DIAPH2: variants seen among roughly 807,000 people sequenced by gnomAD.
DIAPH2 encodes diaphanous related formin 2.
A neutral mutation model predicts 92.7 loss-of-function variants in DIAPH2; 35 were observed. The observed-to-expected ratio is 0.38, with a 90% CI of 0.29 to 0.50. The LOEUF (loss-of-function observed/expected upper bound fraction) is 0.50, where lower values mean the gene tolerates loss of function less well. Among genes scored for constraint, DIAPH2 ranks in the 20% least tolerant of loss-of-function variants. The pLI is 0.94. For missense variants in DIAPH2, 701 were observed against 819.5 expected (o/e 0.86, Z 1.77); for synonymous variants, 301 against 280.4 (o/e 1.07, Z -0.73).
chrX:96,894,204 A>T (rs2065327088), intron 5 of DIAPH2, among the ~76,000 whole-genome samples: 1 of 109,162 alleles, frequency 9.2e-6, no homozygotes, highest in African/African-American at 3.3e-5. Flanking sequence ...ATGCAGATTG[A>T]CTCTATTTCT....
At chrX:97,001,507 G>C (rs931327060) in intron 17 of DIAPH2, among the ~76,000 whole-genome samples, 1 of 110,607 alleles carries the variant, frequency 9.0e-6, no homozygotes, top group African/African-American at 3.3e-5. Context: ...TTAGCCAGGC[G>C]TGGTAGCAAG....
chrX:97,242,829 C>A (rs1252857085), intron 22 of DIAPH2, among the ~76,000 whole-genome samples: 1 of 109,751 alleles, frequency 9.1e-6, no homozygotes, highest in Non-Finnish European at 1.9e-5. Context: ...TTCTGTTGCC[C>A]AGGCTGGAGT....
chrX:96,759,914 A>G (rs899115692), intron 4 of DIAPH2, among the ~76,000 whole-genome samples: 2 of 111,921 alleles, frequency 1.8e-5, no homozygotes, highest in African/African-American at 6.5e-5. Flanking sequence ...TTTTCAGATT[A>G]AAATGCAAAA....
chrX:97,271,628 A>G (rs1186823814), intron 23 of DIAPH2, among the ~76,000 whole-genome samples: 1 of 110,753 alleles, frequency 9.0e-6, no homozygotes, highest in Non-Finnish European at 1.9e-5. Flanking sequence ...TTTGGTACCA[A>G]TTGTTCTAAT....
intron 25 of DIAPH2, among the ~76,000 whole-genome samples, chrX:97,422,118 G>A (rs894107002): frequency 1.5e-4 from 17 of 111,510 alleles, no homozygotes; most frequent in Admixed American, 3.8e-4. Context: ...TCATGATTGT[G>A]GTGGTAGTTA....
intron 17 of DIAPH2, among the ~76,000 whole-genome samples, chrX:96,967,805 C>T (rs995997862): frequency 8.1e-5 from 9 of 111,444 alleles, no homozygotes; most frequent in African/African-American, 2.9e-4. Flanking sequence ...TGTTGATGGG[C>T]ACCTAGGTTG....
At chrX:97,388,013 T>C (rs1908267261) in intron 25 of DIAPH2, among the ~76,000 whole-genome samples, 1 of 111,758 alleles carries the variant, frequency 8.9e-6, no homozygotes, top group African/African-American at 3.3e-5. Context: ...TTGGGGATCA[T>C]TGGTTTTTAT....
intron 1 of DIAPH2, among the ~76,000 whole-genome samples, chrX:96,715,315 A>G (rs1420140187): frequency 8.9e-6 from 1 of 112,195 alleles, no homozygotes; most frequent in Non-Finnish European, 1.9e-5. Flanking sequence ...ATTTATTCAC[A>G]TCATTCATTT....
intron 22 of DIAPH2, among the ~76,000 whole-genome samples, chrX:97,201,052 C>A (rs1386861507): frequency 9.2e-6 from 1 of 108,624 alleles, no homozygotes; most frequent in Non-Finnish European, 1.9e-5. Context: ...GGATCTCCAG[C>A]AAACTCCAGC....
At chrX:97,451,988 A>G (rs1323863607) in intron 26 of DIAPH2, among the ~76,000 whole-genome samples, 1 of 111,506 alleles carries the variant, frequency 9.0e-6, no homozygotes, top group East Asian at 2.8e-4. Context: ...TTTTGAAAGG[A>G]AAATTATTTT....
Position 96,918,626 on chromosome X carries a change from G to C in DIAPH2, c.978+9G>C, listed in dbSNP as rs1376970430. On this transcript the variant is annotated intron_variant, in intron 9 of 26. Transcript: ENST00000324765. ...AAGCCTTGCAATTACAGGTGAGTTA[G>C]TTTTGTCTTAAATTGCTTCTAGAGT... is the stretch of plus-strand genomic sequence containing the variant. 3.2e-5 allele frequency: 36 copies of C among 1,120,847 alleles called. No individual in the cohort carries two copies. Among genetic ancestry groups the C allele is most frequent in the Non-Finnish European group, 4.4e-5 (36 of 817,248 alleles). The allele number at this position is 1,120,847 out of a possible 1,213,427, so 92.4% of individuals were successfully genotyped here.
intron 17 of DIAPH2, among the ~76,000 whole-genome samples, chrX:96,974,310 T>C (rs1416284158): frequency 8.9e-6 from 1 of 111,915 alleles, no homozygotes; most frequent in African/African-American, 3.2e-5. Flanking sequence ...GATTTAGTAA[T>C]TTGGTGATTA....
chrX:96,705,569 TAAAC>T (rs1222599519), intron 1 of DIAPH2, among the ~76,000 whole-genome samples: 4 of 112,345 alleles, frequency 3.6e-5, no homozygotes, highest in South Asian at 7.3e-4. Context: ...ATTTTTTAAA[TAAAC>T]AAAATGTTTA....
chrX:97,177,560 C>A (rs2147460025), intron 22 of DIAPH2, among the ~76,000 whole-genome samples: 1 of 110,643 alleles, frequency 9.0e-6, no homozygotes, highest in East Asian at 2.8e-4. Flanking sequence ...TCCCTTCTTT[C>A]ATCTCTCCCT....
intron 23 of DIAPH2, among the ~76,000 whole-genome samples, chrX:97,290,559 G>C (rs2068581378): frequency 8.9e-6 from 1 of 112,475 alleles, no homozygotes; most frequent in African/African-American, 3.2e-5. Context: ...CAGCATAAGA[G>C]TATTAAACCA....
At chrX:96,951,561 C>G (rs937999275) in intron 15 of DIAPH2, among the ~76,000 whole-genome samples, 1 of 111,631 alleles carries the variant, frequency 9.0e-6, no homozygotes, top group African/African-American at 3.3e-5. Context: ...CTCCTGGCCT[C>G]AAGCATTCCT....
chrX:97,469,754 T>G lies in DIAPH2; in HGVS notation c.3241+40009T>G, dbSNP rs375737446. On this transcript the variant is annotated intron_variant, in intron 26 of 26. Transcript: ENST00000324765. ...AGATCAGCTACATAAACGGCCTGAG[T>G]GCTGTTTTAAACAGGATTGGGTGAT... 15 of 1,202,992 alleles carry G rather than the reference T, an allele frequency of 1.2e-5. No individual in the cohort carries two copies. The African/African-American group carries it at 2.6e-4, about 21-fold the overall frequency.
chrX:97,291,789 C>T (rs1326072844), intron 23 of DIAPH2, among the ~76,000 whole-genome samples: 1 of 111,522 alleles, frequency 9.0e-6, no homozygotes, highest in Non-Finnish European at 1.9e-5. Flanking sequence ...TCCCCCACCT[C>T]AGCCTCCCAA....
At chrX:97,098,365 T>C (rs761389401) in intron 19 of DIAPH2, among the ~76,000 whole-genome samples, 10 of 111,963 alleles carry the variant, frequency 8.9e-5, no homozygotes, top group Non-Finnish European at 1.5e-4. Context: ...CATACCCTTC[T>C]ACCCCCAGCT....
Sources: allele counts gnomAD v4.1 joint callset (sites outside exome capture counted in the v4.1 genomes callset), GRCh38; gene constraint gnomAD v4.1.1; transcripts MANE v1.5; gene names NCBI Gene and HGNC (gene_info 2026-07-23, HGNC 2026-07-21).